ATR: variants seen among roughly 807,000 people sequenced by gnomAD.
The protein encoded by ATR is serine/threonine-protein kinase ATR.
ATR carries 142 observed loss-of-function variants against 305.3 expected under a neutral mutation model. The ratio of observed to expected loss-of-function variants is 0.47; its 90% CI spans 0.41 to 0.53. ATR has a LOEUF of 0.53. ATR is among the 20% of genes least tolerant of loss of function. The pLI, the probability that ATR is intolerant of heterozygous loss-of-function variation, is 0.00. For synonymous variants in ATR, 1,050 were observed against 1,068.1 expected (o/e 0.98, Z 0.33); for missense variants, 2,135 against 3,133.1 (o/e 0.68, Z 7.60).
intron 9 of ATR, 85 bp downstream of exon 9, chr3:142,556,298 A>G (rs2034669647): frequency 6.6e-7 from 1 of 1,510,664 alleles, no homozygotes. Context: ...CATATTCAAC[A>G]ATAAACACAA....
chr3:142,542,611 T>C (rs2034093314), intron 17 of ATR, 54 bp downstream of exon 17: 1 of 1,433,860 alleles, frequency 7.0e-7, no homozygotes. Context: ...ATGCAGAATT[T>C]ATCTATATTC....
chr3:142,488,319 C>T (rs560247151), intron 35 of ATR, among the ~76,000 whole-genome samples: 88 of 152,300 alleles, frequency 5.8e-4, no homozygotes, highest in Middle Eastern at 3.4e-3. Flanking sequence ...TGTTGCTAGC[C>T]ATGGGGTACT....
chr3:142,546,294 C>T (rs567952748), intron 16 of ATR, among the ~76,000 whole-genome samples: 104 of 152,288 alleles, frequency 6.8e-4, no homozygotes, highest in Non-Finnish European at 2.9e-5. Flanking sequence ...TTCCCCTTTC[C>T]CAGAACTAAG....
intron 3 of ATR, among the ~76,000 whole-genome samples, chr3:142,564,651 T>C (rs1302890887): frequency 6.6e-6 from 1 of 152,256 alleles, no homozygotes; most frequent in African/African-American, 2.4e-5. Context: ...TAACATTTTA[T>C]ATCATGACCC....
chr3:142,554,043 A>C, intron 10 of ATR, 28 bp from the exon 11 acceptor site: 1 of 1,530,856 alleles, frequency 6.5e-7, no homozygotes, highest in Non-Finnish European at 8.9e-7. Context: ...ACAATACCTA[A>C]TTTAACATAT....
At position 142,519,714 on chromosome 3, in the gene ATR, A is replaced by T; in HGVS notation, c.4337T>A (p.Phe1446Tyr). The change falls in exon 24 of 47, where the codon TTT (phenylalanine) becomes TAT (tyrosine). Residue 1446 changes from phenylalanine to tyrosine, a missense_variant. Coordinates refer to ENST00000350721, the MANE Select transcript of ATR (RefSeq NM_001184.4). Reference sequence around the variant, plus strand: ...TAGTATTTCCCGAACATGCTCAGGAAATCTCCTCCACAATTGGTGACCTGG... The same window carrying T: ...TAGTATTTCCCGAACATGCTCAGGATATCTCCTCCACAATTGGTGACCTGG... Reference protein sequence around the residue: ...NGPGHQLWRRFPEHVREILEP... With the variant: ...NGPGHQLWRRYPEHVREILEP... 1 of 1,614,122 alleles carries T rather than the reference A, an allele frequency of 6.2e-7. No individual in the cohort carries two copies. The highest frequency in any genetic ancestry group is 8.5e-7 in the Non-Finnish European group (1 of 1,179,966).
chr3:142,450,550 C>T, intron 46 of ATR: 1 of 1,607,168 alleles, frequency 6.2e-7, no homozygotes, highest in East Asian at 2.2e-5. Flanking sequence ...AAGGGAAGTA[C>T]CCTTTGAAGC....
At chr3:142,528,873 A>ATTTTTT (rs1559966998) in intron 21 of ATR, among the ~76,000 whole-genome samples, 62 of 48,596 alleles carry the variant, frequency 1.3e-3, no homozygotes, top group African/African-American at 4.5e-3. Context: ...ATATATATAT[A>ATTTTTT]TATATATTTT....
intron 45 of ATR, among the ~76,000 whole-genome samples, chr3:142,455,336 C>T (rs1274094174): frequency 6.6e-6 from 1 of 152,064 alleles, no homozygotes; most frequent in African/African-American, 2.4e-5. Flanking sequence ...AGCAATACTC[C>T]CAAATTGTTA....
At chr3:142,568,572 G>A (rs1455230280) in intron 1 of ATR, among the ~76,000 whole-genome samples, 1 of 152,172 alleles carries the variant, frequency 6.6e-6, no homozygotes, top group Non-Finnish European at 1.5e-5. Context: ...GTGCAAGACA[G>A]GTGGAAGCCC....
chr3:142,499,815 T>C, intron 30 of ATR, 97 bp from the exon 31 acceptor site: 1 of 957,342 alleles, frequency 1.0e-6, no homozygotes, highest in South Asian at 1.4e-5. Context: ...TTATATTTAT[T>C]GAATTTGCAT....
chr3:142,567,965 A>G (rs1378480112), intron 2 of ATR, 98 bp downstream of exon 2: 12 of 974,144 alleles, frequency 1.2e-5, no homozygotes, highest in Non-Finnish European at 1.8e-5. Flanking sequence ...TAAATACTCC[A>G]TATCTAAAAC....
rs1185146027 is a variant in ATR at position 142,548,669 on chromosome 3, C to CA, written c.3172-760dup. Among the ~76,000 whole-genome samples the CA allele has an allele frequency of 8.5e-3, 645 of 75,898 alleles. 1 individual carries two copies. The highest frequency in any genetic ancestry group is 0.014 in the African/African-American group (334 of 23,964). The allele number at this position is 75,898 out of a possible 152,430, so 49.8% of individuals were successfully genotyped here. On this transcript the variant is annotated intron_variant, in intron 15 of 46. Coordinates refer to ENST00000350721, the MANE Select transcript of ATR (RefSeq NM_001184.4). ...GGGCTACAGAGCAAAACTCCCATCACAAAAAAAAAAAAAAAAAATTAAGAG... is the reference window on the plus strand; with the variant it reads ...GGGCTACAGAGCAAAACTCCCATCACAAAAAAAAAAAAAAAAAAATTAAGAG...
chr3:142,549,185 A>G (rs554847649), intron 15 of ATR, among the ~76,000 whole-genome samples: 1 of 152,328 alleles, frequency 6.6e-6, no homozygotes, highest in Non-Finnish European at 1.5e-5. Flanking sequence ...GTGTATCATC[A>G]GTCAACTTAT....
chr3:142,557,876 G>A lies in ATR; in HGVS notation c.1885+748C>T, dbSNP rs150881894. On this transcript the variant is annotated intron_variant, in intron 8 of 46. Coordinates refer to ENST00000350721, the MANE Select transcript of ATR (RefSeq NM_001184.4). ...TCAAGCTCCTGACCTCAAGAGATCC[G>A]CATGCCTTGGCCTCCCAAAGTGCTG... Among the ~76,000 whole-genome samples, 473 of 151,780 alleles carry A rather than the reference G, an allele frequency of 3.1e-3. 1 individual carries two copies. Among genetic ancestry groups the A allele is most frequent in the African/African-American group, 0.011 (456 of 41,382 alleles).
intron 45 of ATR, 132 bp downstream of exon 45, chr3:142,457,472 G>T: frequency 2.9e-6 from 3 of 1,040,536 alleles, no homozygotes; most frequent in Non-Finnish European, 4.1e-6. Flanking sequence ...AATTATATCT[G>T]CATAAAGCTA....
chr3:142,498,644 T>G lies in ATR; in HGVS notation c.5511A>C (p.Ala1837=). Residue 1837 remains alanine (A), a synonymous_variant, in exon 32 of 47, where the codon GCA becomes GCC. Transcript: ENST00000350721. ...RAEQIVPLSA[A]SFERGSYQRG... ...GTTGGTAGGAGCCTCTTTCAAAGCT[T>G]GCAGCTGAAAGAGGTACAATTTGTT... 1 of 1,614,048 alleles carries G rather than the reference T, an allele frequency of 6.2e-7. No homozygotes were observed. The highest frequency in any genetic ancestry group is 8.5e-7 in the Non-Finnish European group (1 of 1,179,992).
At chr3:142,570,866 A>G (rs1279618516) in intron 1 of ATR, among the ~76,000 whole-genome samples, 5 of 152,256 alleles carry the variant, frequency 3.3e-5, no homozygotes. Context: ...AAGCTTGATC[A>G]TGAAATGAAG....
At chr3:142,531,381 A>G (rs2033634722) in intron 21 of ATR, among the ~76,000 whole-genome samples, 1 of 152,042 alleles carries the variant, frequency 6.6e-6, no homozygotes, top group African/African-American at 2.4e-5. Flanking sequence ...CATTAGGTAT[A>G]TCTCCTAATG....
Sources: allele counts gnomAD v4.1 joint callset (sites outside exome capture counted in the v4.1 genomes callset), GRCh38; gene constraint gnomAD v4.1.1; transcripts MANE v1.5; gene names NCBI Gene and HGNC (gene_info 2026-07-23, HGNC 2026-07-21).